The following KAZN variants were observed in gnomAD, a reference collection of about 807,000 sequenced individuals.
The protein encoded by KAZN is kazrin, periplakin interacting protein, also known as kazrin.
In KAZN, 40 loss-of-function variants were observed where a neutral mutation model predicts 87.4. The observed-to-expected ratio is 0.46, with a 90% confidence interval of 0.36 to 0.60. The LOEUF (loss-of-function observed/expected upper bound fraction) is 0.60. Ranked by LOEUF, KAZN falls within the 20% of genes least tolerant of loss-of-function variation. KAZN has a pLI of 0.00. For synonymous variants in KAZN, 466 were observed against 458.3 expected (o/e 1.02, Z -0.22); for missense variants, 898 against 1,073.9 (o/e 0.84, Z 2.29).
chr1:14,452,575 G>C (rs2148333761), intron 2 of KAZN, among the ~76,000 whole-genome samples: 1 of 152,266 alleles, frequency 6.6e-6, no homozygotes, highest in Admixed American at 6.5e-5. Context: ...ATAGCAAGTG[G>C]CCATTTGGCT....
rs906869217 is a variant in KAZN, at chr1:14,483,698, T to C, written c.250-115285T>C. 3.9e-5 allele frequency among the ~76,000 whole-genome samples: 6 copies of C among 152,230 alleles called. No individual in the cohort carries two copies. The South Asian group carries it at 1.2e-3, about 32-fold the overall frequency. The stretch of plus-strand genomic sequence containing the variant: ...ATACATTTATACATTTGCAAATATT[T>C]TCTCCCATTCAATAGGTTGTCTCTT... On this transcript the variant is annotated intron_variant, in intron 2 of 16. Transcript: ENST00000636203.
chr1:14,594,018 C>G (rs692999), upstream of KAZN, among the ~76,000 whole-genome samples: 125,752 of 152,178 alleles, frequency 0.83, 52,302 homozygotes, highest in African/African-American at 0.92. Flanking sequence ...TGGGGTCTCT[C>G]TTTCTCTGTC....
At chr1:13,958,358 C>T (rs1315431394) in intron 1 of KAZN, among the ~76,000 whole-genome samples, 1 of 151,956 alleles carries the variant, frequency 6.6e-6, no homozygotes, top group Non-Finnish European at 1.5e-5. Flanking sequence ...ATCACGAGGT[C>T]AGAGGATAGA....
chr1:14,466,697 G>T (rs374142517), intron 2 of KAZN, among the ~76,000 whole-genome samples: 1 of 151,044 alleles, frequency 6.6e-6, no homozygotes, highest in Non-Finnish European at 1.5e-5. Flanking sequence ...GGCCAGGCGC[G>T]GTGGCTCACG....
chr1:14,889,509 G>A (rs2101150154), intron 1 of KAZN, among the ~76,000 whole-genome samples: 2 of 152,330 alleles, frequency 1.3e-5, no homozygotes, highest in African/African-American at 4.8e-5. Flanking sequence ...AGCACAAACT[G>A]AGGCAGCTTC....
chr1:14,520,217 A>G (rs1016726842), intron 2 of KAZN, among the ~76,000 whole-genome samples: 5 of 152,058 alleles, frequency 3.3e-5, no homozygotes, highest in Non-Finnish European at 5.9e-5. Context: ...ATACAACCCT[A>G]TGATCCATTG....
chr1:13,949,581 G>C (rs979912856), intron 1 of KAZN, among the ~76,000 whole-genome samples: 1 of 152,122 alleles, frequency 6.6e-6, no homozygotes. Flanking sequence ...CCATAATGGC[G>C]ATCATAACAG....
At chr1:14,759,700 G>A (rs1266063322) in intron 1 of KAZN, among the ~76,000 whole-genome samples, 2 of 152,170 alleles carry the variant, frequency 1.3e-5, no homozygotes, top group Admixed American at 6.5e-5. Flanking sequence ...AAAGAGCAGA[G>A]GATGCGATCT....
intron 2 of KAZN, among the ~76,000 whole-genome samples, chr1:14,181,550 G>A (rs1310253281): frequency 6.6e-6 from 1 of 152,164 alleles, no homozygotes; most frequent in Non-Finnish European, 1.5e-5. Flanking sequence ...CTTTGTGCCT[G>A]TCTCACCTGT....
chr1:14,621,966 C>T (rs866693380), intron 1 of KAZN, among the ~76,000 whole-genome samples: 13 of 152,300 alleles, frequency 8.5e-5, no homozygotes, highest in Admixed American at 3.3e-4. Flanking sequence ...CCTGTACTTC[C>T]GGCTTGAACA....
At chr1:14,800,588 C>A (rs1288274498) in intron 1 of KAZN, among the ~76,000 whole-genome samples, 1 of 152,128 alleles carries the variant, frequency 6.6e-6, no homozygotes, top group Non-Finnish European at 1.5e-5. Flanking sequence ...CCTGTGGTCC[C>A]AGCTACTCTG....
At chr1:14,774,456 G>T (rs576807684) in intron 1 of KAZN, among the ~76,000 whole-genome samples, 1 of 149,296 alleles carries the variant, frequency 6.7e-6, no homozygotes, top group African/African-American at 2.5e-5. Flanking sequence ...CCTTTTCTTG[G>T]TTCTTGAACA....
chr1:14,537,917 C>T (rs992456917), intron 2 of KAZN, among the ~76,000 whole-genome samples: 3 of 152,150 alleles, frequency 2.0e-5, no homozygotes, highest in African/African-American at 7.2e-5. Flanking sequence ...CTCATGCAAA[C>T]AAGCACAAAT....
chr1:14,416,926 C>G (rs935144652), intron 2 of KAZN, among the ~76,000 whole-genome samples: 8 of 150,778 alleles, frequency 5.3e-5, no homozygotes, highest in African/African-American at 2.0e-4. Flanking sequence ...CCTATTCTGC[C>G]TATATATGTG....
chr1:14,115,009 T>A (rs1644584233), intron 1 of KAZN, among the ~76,000 whole-genome samples: 1 of 152,240 alleles, frequency 6.6e-6, no homozygotes, highest in Admixed American at 6.5e-5. Flanking sequence ...GCTCCTGTGC[T>A]GGCTCTGTTG....
intron 2 of KAZN, among the ~76,000 whole-genome samples, chr1:14,392,156 T>G (rs1461250444): frequency 6.6e-6 from 1 of 152,142 alleles, no homozygotes; most frequent in Non-Finnish European, 1.5e-5. Flanking sequence ...TTTAAGCCTC[T>G]TTATCCCCTG....
intron 1 of KAZN, among the ~76,000 whole-genome samples, chr1:14,948,745 T>A (rs762210713): frequency 3.0e-4 from 46 of 152,142 alleles, no homozygotes; most frequent in Non-Finnish European, 5.3e-4. Flanking sequence ...GCTTGATGGC[T>A]GTGCTAGGAG....
chr1:14,636,442 G>A (rs1263745576), intron 1 of KAZN, among the ~76,000 whole-genome samples: 2 of 152,130 alleles, frequency 1.3e-5, no homozygotes, highest in Non-Finnish European at 2.9e-5. Context: ...TTTGGATAGA[G>A]GGCTCTTTGT....
chr1:14,685,138 G>C (rs539867930), intron 1 of KAZN, among the ~76,000 whole-genome samples: 4 of 152,322 alleles, frequency 2.6e-5, no homozygotes, highest in African/African-American at 9.6e-5. Context: ...AACACCAGTA[G>C]GGCCTCAGGA....
Sources: gnomAD v4.1 joint callset for allele counts (sites outside exome capture counted in the v4.1 genomes callset) on GRCh38, gnomAD v4.1.1 for gene constraint, MANE v1.5 for transcripts, NCBI Gene and HGNC (gene_info 2026-07-23, HGNC 2026-07-21) for gene names.